The following MPHOSPH6 variants were observed in gnomAD, a reference collection of about 807,000 sequenced individuals.
MPHOSPH6 encodes M-phase phosphoprotein 6.
A neutral mutation model predicts 21.8 loss-of-function variants in MPHOSPH6; 25 were observed. The observed-to-expected ratio is 1.15, with a 90% CI of 0.83 to 1.60. The LOEUF is 1.60. Ranked by LOEUF, MPHOSPH6 falls within the 40% of genes most tolerant of loss-of-function variation. The probability of loss-of-function intolerance (pLI) is 0.00; values close to 1 mark genes in which losing one functional copy is unlikely to be tolerated. For missense variants in MPHOSPH6, 269 were observed against 181.8 expected (o/e 1.48, Z -2.76); for synonymous variants, 84 against 56.5 (o/e 1.49, Z -2.18).
intron 1 of MPHOSPH6, among the ~76,000 whole-genome samples, chr16:82,168,119 G>C (rs1000582812): frequency 9.5e-6 from 1 of 105,504 alleles, no homozygotes; most frequent in Admixed American, 1.2e-4. Context: ...CCATTTGGTG[G>C]GGGTGGACAT....
intron 4 of MPHOSPH6, among the ~76,000 whole-genome samples, 199 bp from the exon 5 acceptor site, chr16:82,149,062 C>A (rs1300215658): frequency 1.3e-5 from 2 of 152,180 alleles, no homozygotes; most frequent in African/African-American, 2.4e-5. Context: ...GTTTGCATTA[C>A]CCTAAATAAA....
At chr16:82,170,033 T>C (rs1906920000) in intron 1 of MPHOSPH6, 92 bp downstream of exon 1, 2 of 1,395,202 alleles carry the variant, frequency 1.4e-6, no homozygotes, top group Middle Eastern at 1.9e-4. Flanking sequence ...GCCTCTCTGG[T>C]GTCCCTTGTC....
intron 2 of MPHOSPH6, among the ~76,000 whole-genome samples, chr16:82,154,475 T>A (rs1040692361): frequency 6.6e-6 from 1 of 151,864 alleles, no homozygotes; most frequent in African/African-American, 2.4e-5. Flanking sequence ...AATCCCCTCA[T>A]AGAAAGAAAG....
intron 1 of MPHOSPH6, among the ~76,000 whole-genome samples, chr16:82,168,628 G>A (rs1477544245): frequency 6.6e-6 from 1 of 151,988 alleles, no homozygotes; most frequent in East Asian, 1.9e-4. Context: ...GTGCCACTAG[G>A]CCTGGCTAAT....
chr16:82,148,576 A>C lies in MPHOSPH6; in HGVS notation c.*155T>G. On this transcript the variant is annotated 3_prime_UTR_variant, in exon 5 of 5. Coordinates refer to ENST00000258169, the MANE Select transcript of MPHOSPH6 (RefSeq NM_005792.2). ...GCAAAGGATGTACAACATCCATCAC[A>C]CATCTGTTTCAAAAACAGCATGTTT... 1.1e-6 allele frequency: 1 copy of C among 941,016 alleles called. No individual in the cohort carries two copies. Among genetic ancestry groups the C allele is most frequent in the Non-Finnish European group, 1.5e-6 (1 of 660,984 alleles). The allele number at this position is 941,016 out of a possible 1,614,324, so 58.3% of individuals were successfully genotyped here.
intron 2 of MPHOSPH6, among the ~76,000 whole-genome samples, chr16:82,158,414 G>C (rs1906499457): frequency 6.7e-6 from 1 of 149,404 alleles, no homozygotes. Context: ...CAGCAGAATG[G>C]TGTGAACCCG....
At chr16:82,155,283 G>A (rs1363266699) in intron 2 of MPHOSPH6, among the ~76,000 whole-genome samples, 2 of 152,144 alleles carry the variant, frequency 1.3e-5, no homozygotes, top group Admixed American at 6.5e-5. Context: ...AACAATTCAA[G>A]GACTACTCTT....
At chr16:82,160,215 A>G (rs551567774) in intron 2 of MPHOSPH6, among the ~76,000 whole-genome samples, 5 of 152,338 alleles carry the variant, frequency 3.3e-5, no homozygotes, top group Admixed American at 1.3e-4. Context: ...TTGGCAAGCA[A>G]GTGAAATATT....
At chr16:82,156,022 C>T (rs1906417681) in intron 2 of MPHOSPH6, among the ~76,000 whole-genome samples, 1 of 151,990 alleles carries the variant, frequency 6.6e-6, no homozygotes, top group African/African-American at 2.4e-5. Context: ...AATGTCAGCA[C>T]TATAACTACA....
chr16:82,149,507 A>G lies in MPHOSPH6; in HGVS notation c.256-104T>C, dbSNP rs16956540. 0.012 allele frequency: 11,353 copies of G among 934,796 alleles called. 783 individuals carry two copies. In the African/African-American group the frequency reaches 0.15, roughly 13 times the overall value. 57.9% of individuals were successfully genotyped at this position (934,796 alleles called of 1,614,324 possible). A position where few individuals can be genotyped will look rare whatever the true frequency, so the allele number is the denominator to read the frequency against. On this transcript the variant is annotated intron_variant, in intron 3 of 4. Coordinates refer to ENST00000258169, the MANE Select transcript of MPHOSPH6 (RefSeq NM_005792.2). ...GAGAAACTGAAGTCAAATAATCTAG[A>G]GAACTAGTCAAAATTGATAAGGGAC...
At chr16:82,164,318 G>A in intron 1 of MPHOSPH6, 124 bp from the exon 2 acceptor site, 1 of 664,294 alleles carries the variant, frequency 1.5e-6, no homozygotes. Context: ...TCAAGATTGA[G>A]GGTTGGGGCA....
At chr16:82,161,048 C>T (rs1429125985) in intron 2 of MPHOSPH6, among the ~76,000 whole-genome samples, 1 of 152,122 alleles carries the variant, frequency 6.6e-6, no homozygotes, top group Non-Finnish European at 1.5e-5. Flanking sequence ...CGTTCATACC[C>T]CTTGCTCCCA....
rs995413224 is a variant in MPHOSPH6 at position 82,164,109 on chromosome 16, A to G, written c.137T>C (p.Leu46Ser). The G allele has an allele frequency of 6.2e-7, 1 of 1,612,928 alleles. No homozygotes were observed. Among genetic ancestry groups the G allele is most frequent in the Admixed American group, 1.7e-5 (1 of 59,998 alleles). The change falls in exon 2 of 5, where the codon TTG becomes TCG. Residue 46 changes from leucine (L) to serine (S), a missense_variant. Coordinates refer to ENST00000258169, the MANE Select transcript of MPHOSPH6 (RefSeq NM_005792.2). ...KKIISEEHWY[L>S]DLPELKEKES... ...TTTCTCTTTAAGCTCTGGCAAATCC[A>G]AGTACCAGTGCTCTTCACTAATGAT...
At chr16:82,149,931 C>T (rs1906210133) in intron 3 of MPHOSPH6, among the ~76,000 whole-genome samples, 1 of 152,004 alleles carries the variant, frequency 6.6e-6, no homozygotes, top group Non-Finnish European at 1.5e-5. Context: ...GTGGATAATG[C>T]ATCCCATGTA....
At chr16:82,155,981 C>T (rs1317009204) in intron 2 of MPHOSPH6, among the ~76,000 whole-genome samples, 1 of 151,526 alleles carries the variant, frequency 6.6e-6, no homozygotes, top group East Asian at 1.9e-4. Flanking sequence ...TCATGCTGTA[C>T]ACAAAAAGTT....
chr16:82,152,261 G>A (rs1906288916), intron 2 of MPHOSPH6, among the ~76,000 whole-genome samples: 1 of 152,108 alleles, frequency 6.6e-6, no homozygotes, highest in African/African-American at 2.4e-5. Flanking sequence ...TTGGTTACAT[G>A]GATAAGTTCT....
At chr16:82,155,895 ACT>A in intron 2 of MPHOSPH6, among the ~76,000 whole-genome samples, 1 of 147,558 alleles carries the variant, frequency 6.8e-6, no homozygotes. Context: ...ACAGAGTGAC[ACT>A]CTGTCTCAAA....
At chr16:82,149,743 C>T (rs1053868446) in intron 3 of MPHOSPH6, among the ~76,000 whole-genome samples, 3 of 152,152 alleles carry the variant, frequency 2.0e-5, no homozygotes, top group African/African-American at 7.2e-5. Context: ...TTCAGATTTT[C>T]CCTGAACTTC....
intron 3 of MPHOSPH6, 34 bp from the exon 4 acceptor site, chr16:82,149,437 G>T (rs1366720591): frequency 5.7e-6 from 9 of 1,588,118 alleles, no homozygotes; most frequent in Non-Finnish European, 7.7e-6. Context: ...CTTCAGGCTA[G>T]AAAACGCTTG....
Sources: gnomAD v4.1 joint callset for allele counts (sites outside exome capture counted in the v4.1 genomes callset) on GRCh38, gnomAD v4.1.1 for gene constraint, MANE v1.5 for transcripts, NCBI Gene and HGNC (gene_info 2026-07-23, HGNC 2026-07-21) for gene names.